ARHGEF28: variants seen among roughly 807,000 people sequenced by gnomAD.
The protein encoded by ARHGEF28 is 190 kDa guanine nucleotide exchange factor.
In ARHGEF28, 152 loss-of-function variants were observed where a neutral mutation model predicts 206.6. That is an observed-to-expected ratio of 0.74 (90% CI 0.64 to 0.84). The LOEUF is 0.84. Ranked by LOEUF, ARHGEF28 falls within the 40% of genes least tolerant of loss-of-function variation. The pLI, the probability that ARHGEF28 is intolerant of heterozygous loss-of-function variation, is 0.00. For synonymous variants in ARHGEF28, 763 were observed against 776.4 expected (o/e 0.98, Z 0.29); for missense variants, 2,028 against 2,073.2 (o/e 0.98, Z 0.42).
intron 2 of ARHGEF28, among the ~76,000 whole-genome samples, chr5:73,746,062 G>A (rs1176710055): frequency 6.6e-6 from 1 of 152,086 alleles, no homozygotes; most frequent in Non-Finnish European, 1.5e-5. Flanking sequence ...TTTTGGCAAG[G>A]TTGGGGTGAA....
intron 35 of ARHGEF28, among the ~76,000 whole-genome samples, chr5:73,928,959 G>A (rs723221): frequency 4.6e-5 from 7 of 151,926 alleles, no homozygotes; most frequent in East Asian, 1.9e-4. Context: ...ATTTTGAGAC[G>A]GAGTCTCGCT....
intron 2 of ARHGEF28, among the ~76,000 whole-genome samples, chr5:73,706,665 A>C (rs1748954952): frequency 6.6e-6 from 1 of 152,214 alleles, no homozygotes; most frequent in African/African-American, 2.4e-5. Flanking sequence ...TTATATTTAT[A>C]AATCTCAACT....
intron 1 of ARHGEF28, among the ~76,000 whole-genome samples, chr5:73,657,091 A>G (rs1745260202): frequency 6.8e-6 from 1 of 147,000 alleles, no homozygotes; most frequent in South Asian, 2.2e-4. Flanking sequence ...GAGAAAGGGG[A>G]GAACCTGGGA....
At chr5:73,938,637 G>A (rs1742352619) in intron 35 of ARHGEF28, among the ~76,000 whole-genome samples, 3 of 152,140 alleles carry the variant, frequency 2.0e-5, no homozygotes, top group African/African-American at 7.2e-5. Context: ...TTTTTTTGAA[G>A]TTGTATAAAA....
intron 1 of ARHGEF28, among the ~76,000 whole-genome samples, chr5:73,644,843 C>T (rs1744331710): frequency 6.6e-6 from 1 of 152,112 alleles, no homozygotes; most frequent in African/African-American, 2.4e-5. Context: ...TATTAAACTC[C>T]ACTGATACAG....
chr5:73,765,098 A>T (rs929623222), intron 4 of ARHGEF28, among the ~76,000 whole-genome samples: 7 of 152,134 alleles, frequency 4.6e-5, no homozygotes, highest in African/African-American at 1.7e-4. Flanking sequence ...TAACATGCAG[A>T]TTTGTTTTCT....
intron 2 of ARHGEF28, among the ~76,000 whole-genome samples, chr5:73,749,286 A>G (rs1751903732): frequency 1.3e-5 from 2 of 152,244 alleles, no homozygotes; most frequent in Admixed American, 1.3e-4. Context: ...GCTAAGAATA[A>G]TTATCATGAA....
At chr5:73,787,247 A>T (rs552761769) in intron 7 of ARHGEF28, among the ~76,000 whole-genome samples, 1 of 152,194 alleles carries the variant, frequency 6.6e-6, no homozygotes, top group Non-Finnish European at 1.5e-5. Flanking sequence ...TCACTTGCAT[A>T]CACAGCTCTA....
At chr5:73,670,933 A>G (rs1390641185) in intron 1 of ARHGEF28, among the ~76,000 whole-genome samples, 1 of 152,012 alleles carries the variant, frequency 6.6e-6, no homozygotes, top group Non-Finnish European at 1.5e-5. Flanking sequence ...TCCTCCTTAC[A>G]TGGGCTTTCA....
At chr5:73,708,478 A>G (rs1262458547) in intron 2 of ARHGEF28, among the ~76,000 whole-genome samples, 2 of 152,056 alleles carry the variant, frequency 1.3e-5, no homozygotes, top group Admixed American at 1.3e-4. Flanking sequence ...TTCTGCATTA[A>G]TTTGCTTAGG....
chr5:73,839,366 T>C (rs1267169544), intron 10 of ARHGEF28, among the ~76,000 whole-genome samples: 13 of 152,346 alleles, frequency 8.5e-5, no homozygotes, highest in African/African-American at 2.6e-4. Context: ...TAATAAATTA[T>C]GATGATGCTC....
chr5:73,917,994 C>T (rs931466903), intron 35 of ARHGEF28, among the ~76,000 whole-genome samples: 3 of 152,060 alleles, frequency 2.0e-5, no homozygotes, highest in African/African-American at 2.4e-5. Context: ...GGTAATGATC[C>T]GGCTTCAGCA....
intron 2 of ARHGEF28, among the ~76,000 whole-genome samples, chr5:73,735,174 CTAATTTAT>C (rs1187833619): frequency 1.5e-4 from 23 of 151,072 alleles, no homozygotes; most frequent in Non-Finnish European, 2.9e-4. Context: ...GAGTAGCTGG[CTAATTTAT>C]TAATTTATTA....
intron 22 of ARHGEF28, 134 bp downstream of exon 22, chr5:73,873,380 A>C: frequency 8.2e-7 from 1 of 1,226,042 alleles, no homozygotes. Flanking sequence ...TGTGTTTACC[A>C]TCGTTAGATT....
intron 1 of ARHGEF28, among the ~76,000 whole-genome samples, chr5:73,628,064 A>G (rs1407775208): frequency 1.3e-5 from 2 of 152,198 alleles, no homozygotes; most frequent in Non-Finnish European, 2.9e-5. Context: ...GAAATGTCTC[A>G]GAAGCCTCAC....
At chr5:73,813,726 C>G (rs1755993971) in intron 9 of ARHGEF28, 1 of 1,504,648 alleles carries the variant, frequency 6.6e-7, no homozygotes. Context: ...ACATCCTATT[C>G]TTTCTTTTCC....
Position 73,909,702 on chromosome 5 carries a change from G to A in ARHGEF28, c.4452G>A (p.Glu1484=). The change falls in exon 34 of 36, where the codon GAG becomes GAA. Residue 1484 remains glutamate, a synonymous_variant. Transcript: ENST00000513042. ...ERERECQSQE[E]LLLRSRGELD... ...AGCGGGAGTGCCAGTCGCAGGAGGAGCTGCTGCTGCGGAGCCGGGGCGAGC... is the reference window on the plus strand; with the variant it reads ...AGCGGGAGTGCCAGTCGCAGGAGGAACTGCTGCTGCGGAGCCGGGGCGAGC... The A allele has an allele frequency of 6.5e-7, 1 of 1,531,492 alleles. No homozygotes were observed. The highest frequency in any genetic ancestry group is 8.8e-7 in the Non-Finnish European group (1 of 1,138,010). The allele number at this position is 1,531,492 out of a possible 1,614,324, so 94.9% of individuals were successfully genotyped here. A position where few individuals can be genotyped will look rare whatever the true frequency, so the allele number is the denominator to read the frequency against.
At chr5:73,768,720 T>C (rs1195210644) in intron 4 of ARHGEF28, among the ~76,000 whole-genome samples, 1 of 151,976 alleles carries the variant, frequency 6.6e-6, no homozygotes, top group Non-Finnish European at 1.5e-5. Context: ...CTGAAATGAG[T>C]TAAGACTTTG....
intron 7 of ARHGEF28, among the ~76,000 whole-genome samples, chr5:73,784,487 A>G (rs1754036552): frequency 6.6e-6 from 1 of 152,236 alleles, no homozygotes; most frequent in Non-Finnish European, 1.5e-5. Flanking sequence ...TAGTATTAAT[A>G]AAAAACCTGG....
Sources: gnomAD v4.1 joint callset for allele counts (sites outside exome capture counted in the v4.1 genomes callset) on GRCh38, gnomAD v4.1.1 for gene constraint, MANE v1.5 for transcripts, NCBI Gene and HGNC (gene_info 2026-07-23, HGNC 2026-07-21) for gene names.